The following TNRC6C variants were observed in gnomAD, a reference collection of about 807,000 sequenced individuals.
TNRC6C encodes trinucleotide repeat containing adaptor 6C.
TNRC6C carries 20 observed loss-of-function variants against 153.7 expected under a neutral mutation model. That is an observed-to-expected ratio of 0.13 (90% CI 0.09 to 0.19). The LOEUF is 0.19. Among genes scored for constraint, TNRC6C ranks in the 10% least tolerant of loss-of-function variants. The pLI is 1.00. For missense variants in TNRC6C, 1,987 were observed against 2,172.0 expected (o/e 0.91, Z 1.69); for synonymous variants, 811 against 841.4 (o/e 0.96, Z 0.63).
At chr17:78,043,361 A>G (rs1179282798) in intron 2 of TNRC6C, among the ~76,000 whole-genome samples, 1 of 152,172 alleles carries the variant, frequency 6.6e-6, no homozygotes, top group Non-Finnish European at 1.5e-5. Flanking sequence ...TGGTTGGTTG[A>G]TTGGTTCCTT....
intron 1 of TNRC6C, among the ~76,000 whole-genome samples, chr17:78,012,962 T>C (rs1210928708): frequency 1.3e-5 from 2 of 152,182 alleles, no homozygotes; most frequent in African/African-American, 4.8e-5. Context: ...CTGATATGAA[T>C]GAGGTAAGTG....
chr17:77,975,178 G>A (rs1235167732), intron 1 of TNRC6C, among the ~76,000 whole-genome samples: 1 of 152,118 alleles, frequency 6.6e-6, no homozygotes, highest in Non-Finnish European at 1.5e-5. Flanking sequence ...AATACCTTCA[G>A]GTGGTGAAAA....
At chr17:78,091,654 T>G in intron 14 of TNRC6C, 47 bp downstream of exon 16, 1 of 1,390,842 alleles carries the variant, frequency 7.2e-7, no homozygotes, top group East Asian at 2.8e-5. Flanking sequence ...GCTGGCTTAT[T>G]AATCGATCGT....
At chr17:78,009,375 T>A (rs1262342526) in intron 1 of TNRC6C, among the ~76,000 whole-genome samples, 1 of 152,180 alleles carries the variant, frequency 6.6e-6, no homozygotes, top group Non-Finnish European at 1.5e-5. Context: ...AGGGTTTTTT[T>A]AATGATTAAC....
chr17:78,086,695 T>C, intron 12 of TNRC6C, 109 bp downstream of exon 14: 2 of 1,560,598 alleles, frequency 1.3e-6, no homozygotes, highest in Non-Finnish European at 1.8e-6. Flanking sequence ...TAGCCAAGCC[T>C]TCCTTTGAAA....
chr17:77,993,209 G>A (rs1332769034), intron 1 of TNRC6C, among the ~76,000 whole-genome samples: 3 of 152,108 alleles, frequency 2.0e-5, no homozygotes, highest in African/African-American at 4.8e-5. Flanking sequence ...TAATCCACCC[G>A]CCTCTGCCTC....
At chr17:78,038,415 T>G (rs2072223393) in intron 2 of TNRC6C, among the ~76,000 whole-genome samples, 1 of 152,034 alleles carries the variant, frequency 6.6e-6, no homozygotes, top group Non-Finnish European at 1.5e-5. Context: ...GGCTCACGCA[T>G]GTAATCCCAG....
At chr17:77,989,462 T>A (rs2071218861) in intron 1 of TNRC6C, among the ~76,000 whole-genome samples, 1 of 152,254 alleles carries the variant, frequency 6.6e-6, no homozygotes, top group Non-Finnish European at 1.5e-5. Flanking sequence ...TTGTACTTTG[T>A]CTGGGACTTG....
At chr17:78,010,356 G>A (rs1598681233) in intron 1 of TNRC6C, among the ~76,000 whole-genome samples, 1 of 152,252 alleles carries the variant, frequency 6.6e-6, no homozygotes, top group East Asian at 1.9e-4. Context: ...TCAGTTGAGT[G>A]ATGGAGGTTT....
chr17:78,097,648 G>C, intron 16 of TNRC6C, 97 bp from the exon 19 acceptor site: 1 of 790,216 alleles, frequency 1.3e-6, no homozygotes, highest in African/African-American at 1.8e-5. Flanking sequence ...GGCAGCCTAG[G>C]GAGAGGTTGA....
intron 2 of TNRC6C, among the ~76,000 whole-genome samples, chr17:78,045,102 C>T (rs2072379681): frequency 6.6e-6 from 1 of 152,058 alleles, no homozygotes. Context: ...ACTGGGCATT[C>T]ATTTGGAAAA....
chr17:78,031,353 A>C (rs1351363874), intron 1 of TNRC6C, among the ~76,000 whole-genome samples, 163 bp from the exon 4 acceptor site: 1 of 152,120 alleles, frequency 6.6e-6, no homozygotes, highest in Non-Finnish European at 1.5e-5. Context: ...GTGTAGCAAA[A>C]CTAGGTCTCA....
intron 1 of TNRC6C, among the ~76,000 whole-genome samples, chr17:77,991,769 C>G (rs920408497): frequency 6.6e-6 from 1 of 152,206 alleles, no homozygotes; most frequent in Non-Finnish European, 1.5e-5. Context: ...GTCAGCCTTA[C>G]TATCAGTTCA....
chr17:78,093,629 C>T (rs1352325867), exon 16 of TNRC6C: 6 of 1,613,772 alleles, frequency 3.7e-6, no homozygotes, highest in African/African-American at 1.3e-5. Flanking sequence ...GAATTCCATC[C>T]GGGAGTTCCA....
At chr17:78,070,013 T>C (rs967194652) in intron 5 of TNRC6C, among the ~76,000 whole-genome samples, 5 of 152,264 alleles carry the variant, frequency 3.3e-5, no homozygotes, top group Non-Finnish European at 7.3e-5. Context: ...ATACCTTGTT[T>C]ATACTTTTGA....
chr17:78,078,944 T>C (rs1360208360), intron 9 of TNRC6C, among the ~76,000 whole-genome samples: 6 of 151,976 alleles, frequency 3.9e-5, no homozygotes, highest in Admixed American at 3.3e-4. Flanking sequence ...TACAAAAAAT[T>C]TAGCCGGGTA....
At chr17:77,958,371 T>G (rs552060832), upstream of TNRC6C, among the ~76,000 whole-genome samples, 310 of 151,330 alleles carry the variant, frequency 2.0e-3, 4 homozygotes, top group African/African-American at 6.8e-3. Context: ...CAGTGCAAGC[T>G]CCCAGGACTG....
chr17:78,052,352 T>C (rs977954555), intron 3 of TNRC6C, among the ~76,000 whole-genome samples: 3 of 152,034 alleles, frequency 2.0e-5, no homozygotes, highest in Non-Finnish European at 4.4e-5. Flanking sequence ...GGCCCAGAGA[T>C]CACCATACAC....
intron 2 of TNRC6C, among the ~76,000 whole-genome samples, chr17:78,035,788 C>T (rs1352517225): frequency 2.6e-5 from 4 of 152,134 alleles, no homozygotes; most frequent in African/African-American, 4.8e-5. Flanking sequence ...GAATTCACAT[C>T]CAGGTGAAAT....
Sources: allele counts gnomAD v4.1 joint callset (sites outside exome capture counted in the v4.1 genomes callset), GRCh38; gene constraint gnomAD v4.1.1; transcripts MANE v1.5; gene names NCBI Gene and HGNC (gene_info 2026-07-23, HGNC 2026-07-21).